Variants in ANKH observed in about 807,000 individuals in gnomAD.
The protein encoded by ANKH is mineralization regulator ANKH.
In ANKH, 15 loss-of-function variants were observed where a neutral mutation model predicts 49.0. The ratio of observed to expected loss-of-function variants is 0.31; its 90% CI spans 0.20 to 0.47. The LOEUF (loss-of-function observed/expected upper bound fraction) is 0.47. Among genes scored for constraint, ANKH ranks in the 20% least tolerant of loss-of-function variants. The pLI, the probability that ANKH is intolerant of heterozygous loss-of-function variation, is 1.00. For missense variants in ANKH, 429 were observed against 652.0 expected (o/e 0.66, Z 3.72); for synonymous variants, 273 against 260.0 (o/e 1.05, Z -0.48).
chr5:14,734,636 C>T (rs1738113089), intron 8 of ANKH, among the ~76,000 whole-genome samples: 1 of 152,122 alleles, frequency 6.6e-6, no homozygotes, highest in African/African-American at 2.4e-5. Flanking sequence ...TCCGTGGGGC[C>T]CAGGCTTTAC....
At chr5:14,809,503 C>T (rs917054742) in intron 1 of ANKH, among the ~76,000 whole-genome samples, 2 of 151,988 alleles carry the variant, frequency 1.3e-5, no homozygotes, top group African/African-American at 2.4e-5. Flanking sequence ...TGCAGTGAGC[C>T]GTGATCGTGC....
At chr5:14,734,284 C>T (rs573670839) in intron 8 of ANKH, among the ~76,000 whole-genome samples, 14 of 151,518 alleles carry the variant, frequency 9.2e-5, no homozygotes. Flanking sequence ...ATTAGCCAAT[C>T]GGAATTAGTT....
At chr5:14,711,924 C>G (rs576124661) in intron 11 of ANKH, among the ~76,000 whole-genome samples, 16 of 152,362 alleles carry the variant, frequency 1.1e-4, no homozygotes, top group African/African-American at 3.4e-4. Context: ...CAGGCCAAGG[C>G]AAGGACATTG....
At chr5:14,730,288 G>A (rs1468711642) in intron 8 of ANKH, among the ~76,000 whole-genome samples, 1 of 152,192 alleles carries the variant, frequency 6.6e-6, no homozygotes, top group Non-Finnish European at 1.5e-5. Context: ...TGCTGACAAA[G>A]AGAGTGGCCA....
At chr5:14,753,172 T>C (rs964105188) in intron 4 of ANKH, among the ~76,000 whole-genome samples, 1 of 152,104 alleles carries the variant, frequency 6.6e-6, no homozygotes, top group Admixed American at 6.5e-5. Context: ...GTAGGTTTGT[T>C]GGCTGGAAGG....
intron 1 of ANKH, among the ~76,000 whole-genome samples, chr5:14,814,559 T>C (rs1443634136): frequency 2.0e-5 from 3 of 152,320 alleles, no homozygotes; most frequent in East Asian, 3.9e-4. Flanking sequence ...TGAGCCATGA[T>C]TGTGCCACTG....
rs371012506 is a variant in ANKH, at chr5:14,871,477, A to T, written c.-30T>A. 42 of 1,570,636 alleles carry T rather than the reference A, an allele frequency of 2.7e-5. No individual in the cohort carries two copies. In the African/African-American group the frequency reaches 5.4e-4, roughly 20 times the overall value. Reference sequence around the variant, plus strand: ...CCCGCCGTGGGCTGACCCCACACACATCTGCTGCCGCGAGGGGACTCTGCG... The same window carrying T: ...CCCGCCGTGGGCTGACCCCACACACTTCTGCTGCCGCGAGGGGACTCTGCG... On this transcript the variant is annotated 5_prime_UTR_variant, in exon 1 of 12. The change abolishes an upstream ATG in the 5' untranslated region. Transcript: ENST00000284268.
chr5:14,756,600 C>T (rs1738893006), intron 3 of ANKH, among the ~76,000 whole-genome samples: 1 of 152,222 alleles, frequency 6.6e-6, no homozygotes, highest in Admixed American at 6.5e-5. Flanking sequence ...CTGAGCTACG[C>T]ACAATGAGGC....
At chr5:14,740,181 G>A (rs1021043775) in intron 8 of ANKH, among the ~76,000 whole-genome samples, 1 of 152,130 alleles carries the variant, frequency 6.6e-6, no homozygotes, top group Non-Finnish European at 1.5e-5. Context: ...GCCAGGCGTT[G>A]TCAGCTTTAT....
At chr5:14,817,313 A>G (rs1396395310) in intron 1 of ANKH, among the ~76,000 whole-genome samples, 1 of 152,242 alleles carries the variant, frequency 6.6e-6, no homozygotes, top group African/African-American at 2.4e-5. Flanking sequence ...ACGCCAGGAA[A>G]GAAAAGGATA....
intron 1 of ANKH, among the ~76,000 whole-genome samples, chr5:14,795,853 G>A (rs1425671341): frequency 6.9e-6 from 1 of 145,342 alleles, no homozygotes; most frequent in Non-Finnish European, 1.5e-5. Context: ...GTGAGACTGT[G>A]TCTCAAAAAA....
At chr5:14,850,870 GT>G (rs113379384) in intron 1 of ANKH, among the ~76,000 whole-genome samples, 331 of 148,832 alleles carry the variant, frequency 2.2e-3, no homozygotes, top group African/African-American at 7.0e-3. Flanking sequence ...CCCTCATCGA[GT>G]TTTTTTTTTT....
At chr5:14,757,430 A>ATATATATT (rs1379233165) in intron 3 of ANKH, among the ~76,000 whole-genome samples, 7 of 113,806 alleles carry the variant, frequency 6.2e-5, no homozygotes, top group African/African-American at 2.3e-4. Flanking sequence ...ATATATATAT[A>ATATATATT]TTTTTTTTTT....
At chr5:14,828,542 A>T (rs1022468736) in intron 1 of ANKH, among the ~76,000 whole-genome samples, 17 of 152,022 alleles carry the variant, frequency 1.1e-4, no homozygotes, top group Admixed American at 6.6e-5. Context: ...CAAAAAAACA[A>T]ACAAACAACA....
intron 9 of ANKH, among the ~76,000 whole-genome samples, chr5:14,716,129 T>G (rs1050404843): frequency 1.4e-4 from 21 of 152,358 alleles, no homozygotes; most frequent in African/African-American, 4.6e-4. Context: ...GAGGGCCGTT[T>G]TATTGTCCCC....
intron 1 of ANKH, chr5:14,871,105 G>T: frequency 3.2e-6 from 2 of 630,130 alleles, no homozygotes; most frequent in Admixed American, 2.1e-5. Flanking sequence ...CCTTCCATAG[G>T]TGAAGCTTCA....
Position 14,871,521 on chromosome 5 carries a change from G to C in ANKH, c.-74C>G. ...CTCTGCGGGGAGGCGAGGGGCGACG[G>C]GGCGACGGGGCGAGCGGGGCGCGGG... On this transcript the variant is annotated 5_prime_UTR_variant, in exon 1 of 12. Transcript: ENST00000284268. 8.6e-7 allele frequency: 1 copy of C among 1,163,728 alleles called. No homozygotes were observed. The highest frequency in any genetic ancestry group is 1.6e-5 in the African/African-American group (1 of 63,664). The allele number at this position is 1,163,728 out of a possible 1,614,324, so 72.1% of individuals were successfully genotyped here.
intron 1 of ANKH, chr5:14,868,349 C>A (rs1168921934): frequency 6.6e-6 from 1 of 151,628 alleles, no homozygotes; most frequent in East Asian, 1.9e-4. Context: ...CTTGACAAGC[C>A]AGGAACTTAA....
intron 1 of ANKH, among the ~76,000 whole-genome samples, chr5:14,817,576 G>A (rs1464019187): frequency 6.6e-6 from 1 of 152,138 alleles, no homozygotes; most frequent in African/African-American, 2.4e-5. Context: ...TACAGAACTA[G>A]TCAAGAAGAC....
Sources: gnomAD v4.1 joint callset for allele counts (sites outside exome capture counted in the v4.1 genomes callset) on GRCh38, gnomAD v4.1.1 for gene constraint, MANE v1.5 for transcripts, NCBI Gene and HGNC (gene_info 2026-07-23, HGNC 2026-07-21) for gene names.